BTG4: variants seen among roughly 807,000 people sequenced by gnomAD.
The protein encoded by BTG4 is protein BTG4.
A neutral mutation model predicts 19.3 loss-of-function variants in BTG4; 10 were observed. The observed-to-expected ratio is 0.52, with a 90% CI of 0.32 to 0.88. The LOEUF is 0.88. BTG4 is among the 40% of genes least tolerant of loss of function. BTG4 has a pLI of 0.04. For missense variants in BTG4, 238 were observed against 281.9 expected (o/e 0.84, Z 1.11); for synonymous variants, 91 against 95.7 (o/e 0.95, Z 0.29).
chr11:111,501,257 G>A (rs1330874653), intron 1 of BTG4, among the ~76,000 whole-genome samples: 2 of 152,082 alleles, frequency 1.3e-5, no homozygotes, highest in African/African-American at 2.4e-5. Flanking sequence ...CTAGCTACTC[G>A]AAAGGCTGAG....
chr11:111,447,476 C>A, the BTG4 span, among the ~76,000 whole-genome samples: 1 of 152,340 alleles, frequency 6.6e-6, no homozygotes, highest in South Asian at 2.1e-4. Flanking sequence ...TGCAGCATTT[C>A]ACACACGGAG....
chr11:111,493,167 A>C (rs991557661), downstream of BTG4, among the ~76,000 whole-genome samples: 17 of 152,146 alleles, frequency 1.1e-4, no homozygotes, highest in African/African-American at 3.9e-4. Flanking sequence ...ACAAACAAAC[A>C]AACAGAGTCC....
the BTG4 span, among the ~76,000 whole-genome samples, chr11:111,387,758 C>G: frequency 6.6e-6 from 1 of 152,264 alleles, no homozygotes; most frequent in African/African-American, 2.4e-5. Flanking sequence ...TCAAGAAAGC[C>G]TGATAGTTAT....
chr11:111,437,286 T>C, the BTG4 span, among the ~76,000 whole-genome samples: 19 of 152,198 alleles, frequency 1.2e-4, no homozygotes, highest in African/African-American at 4.6e-4. Flanking sequence ...AGGAGTGTAT[T>C]GATCTGTGGA....
chr11:111,505,856 A>G (rs1866419978), intron 1 of BTG4, among the ~76,000 whole-genome samples: 1 of 152,224 alleles, frequency 6.6e-6, no homozygotes, highest in East Asian at 1.9e-4. Flanking sequence ...ACAAACAGCT[A>G]ACAAACATAT....
chr11:111,485,140 A>G (rs1329104366), intron 5 of BTG4, among the ~76,000 whole-genome samples: 4 of 152,118 alleles, frequency 2.6e-5, no homozygotes, highest in Non-Finnish European at 5.9e-5. Flanking sequence ...CCAAAGAGAG[A>G]TGGACCTCAA....
chr11:111,406,764 A>C, the BTG4 span, among the ~76,000 whole-genome samples: 1 of 152,166 alleles, frequency 6.6e-6, no homozygotes, highest in East Asian at 1.9e-4. Flanking sequence ...TCCTTTGTAC[A>C]GGCATTCCAC....
At chr11:111,475,422 A>G (rs886620944) in intron 5 of BTG4, 7 of 152,154 alleles carry the variant, frequency 4.6e-5, no homozygotes, top group Non-Finnish European at 8.8e-5. Flanking sequence ...TCATTATTCA[A>G]TCAGGCTAAG....
the BTG4 span, among the ~76,000 whole-genome samples, chr11:111,430,532 A>G: frequency 6.6e-6 from 1 of 152,314 alleles, no homozygotes; most frequent in African/African-American, 2.4e-5. Flanking sequence ...GGCAAATTGT[A>G]AGGAGGGTAA....
At chr11:111,421,654 C>G in the BTG4 span, among the ~76,000 whole-genome samples, 1 of 152,170 alleles carries the variant, frequency 6.6e-6, no homozygotes, top group African/African-American at 2.4e-5. Context: ...GTGGCTCACA[C>G]CTGTAATCCC....
At chr11:111,423,172 CAAG>C in the BTG4 span, among the ~76,000 whole-genome samples, 1 of 152,112 alleles carries the variant, frequency 6.6e-6, no homozygotes, top group Non-Finnish European at 1.5e-5. Flanking sequence ...CCCGAGTCAG[CAAG>C]AAGGGCCACC....
At chr11:111,435,499 G>T in the BTG4 span, among the ~76,000 whole-genome samples, 1 of 152,180 alleles carries the variant, frequency 6.6e-6, no homozygotes, top group Admixed American at 6.5e-5. Flanking sequence ...ACCGCTCAGG[G>T]TTTTGTTTCC....
At chr11:111,429,095 A>G in the BTG4 span, among the ~76,000 whole-genome samples, 15 of 152,216 alleles carry the variant, frequency 9.9e-5, no homozygotes, top group Non-Finnish European at 1.9e-4. Context: ...TAAAGTGTAC[A>G]AGTGAGTGAC....
downstream of BTG4, among the ~76,000 whole-genome samples, chr11:111,490,574 T>C (rs975767199): frequency 1.3e-5 from 2 of 151,956 alleles, no homozygotes; most frequent in African/African-American, 4.8e-5. Flanking sequence ...AGTGGAAAAA[T>C]AAACAACGCA....
At chr11:111,512,631 G>C (rs1867033881), upstream of BTG4, among the ~76,000 whole-genome samples, 1 of 152,160 alleles carries the variant, frequency 6.6e-6, no homozygotes. Flanking sequence ...ACCTGAGCGG[G>C]AGGGCCCTGA....
chr11:111,428,373 C>A, the BTG4 span, among the ~76,000 whole-genome samples: 1 of 152,184 alleles, frequency 6.6e-6, no homozygotes, highest in African/African-American at 2.4e-5. Context: ...TCAAACCCCA[C>A]TGTATTGTTT....
At chr11:111,444,298 C>G in the BTG4 span, among the ~76,000 whole-genome samples, 11 of 104,566 alleles carry the variant, frequency 1.1e-4, no homozygotes, top group African/African-American at 4.3e-4. Context: ...GAGGGGAAGG[C>G]AGGGGAGGGG....
intron 5 of BTG4, among the ~76,000 whole-genome samples, chr11:111,485,334 A>C (rs766136302): frequency 6.6e-6 from 1 of 152,168 alleles, no homozygotes; most frequent in Admixed American, 6.5e-5. Flanking sequence ...GAACATTCTC[A>C]AGGACAGACC....
At chr11:111,494,100 T>C (rs566859041), downstream of BTG4, among the ~76,000 whole-genome samples, 9 of 152,150 alleles carry the variant, frequency 5.9e-5, 1 homozygote, top group Admixed American at 2.6e-4. Context: ...AGGGAGAAGA[T>C]ACAAGCGGCT....
Sources: gnomAD v4.1 joint callset for allele counts (sites outside exome capture counted in the v4.1 genomes callset) on GRCh38, gnomAD v4.1.1 for gene constraint, MANE v1.5 for transcripts, NCBI Gene and HGNC (gene_info 2026-07-23, HGNC 2026-07-21) for gene names.